Variants in FBXL22 observed in about 807,000 individuals in gnomAD.
The protein encoded by FBXL22 is F-box and leucine-rich protein 22.
Under a neutral mutation model 11.7 loss-of-function variants are expected in FBXL22, and 13 were observed. That is an observed-to-expected ratio of 1.11 (90% CI 0.73 to 1.77). The LOEUF is 1.77. Among genes scored for constraint, FBXL22 ranks in the 40% most tolerant of loss-of-function variants. FBXL22 has a pLI of 0.00. For missense variants in FBXL22, 406 were observed against 320.4 expected, an observed-to-expected ratio of 1.27 and a Z score of -2.04; for synonymous variants, 160 against 144.1, an observed-to-expected ratio of 1.11 and a Z score of -0.79.
chr15:63,603,643 G>A (rs528300746), downstream of FBXL22, among the ~76,000 whole-genome samples: 257 of 152,356 alleles, frequency 1.7e-3, no homozygotes, highest in African/African-American at 5.9e-3. Context: ...GGCAGAACAT[G>A]TGGACAGGCA....
downstream of FBXL22, among the ~76,000 whole-genome samples, chr15:63,603,715 G>T (rs2067398844): frequency 6.6e-6 from 1 of 152,242 alleles, no homozygotes; most frequent in Non-Finnish European, 1.5e-5. Flanking sequence ...GGCTGGGGCA[G>T]TGCTTACTCC....
At position 63,600,746 on chromosome 15, in the gene FBXL22, G is replaced by T. The variant is rs902188660; in HGVS notation, c.403G>T (p.Asp135Tyr). 3 of 1,231,338 alleles carry T rather than the reference G, an allele frequency of 2.4e-6. No individual in the cohort carries two copies. The Admixed American group carries it at 1.3e-4, about 52-fold the overall frequency. 76.3% of individuals were successfully genotyped at this position (1,231,338 alleles called of 1,614,324 possible). ...VTLSGCGHVT[D>Y]DCLARLLRCC... ...GCTCTCGGGCTGCGGCCACGTTACC[G>T]ACGACTGCCTGGCGCGCCTGCTGCG... The change falls in exon 2 of 2, where the codon GAC becomes TAC. Residue 135 changes from aspartate to tyrosine, a missense_variant. Asp to Tyr is a radical substitution (Grantham distance 160). Transcript: ENST00000638704.
chr15:63,601,442 G>C, downstream of FBXL22: 2 of 1,577,474 alleles, frequency 1.3e-6, no homozygotes, highest in African/African-American at 1.4e-5. Context: ...ACGGGGGCCA[G>C]GGCTGCCGCG....
At chr15:63,600,057 G>A (rs544666541) in intron 1 of FBXL22, 2 of 985,738 alleles carry the variant, frequency 2.0e-6, no homozygotes, top group East Asian at 1.1e-4. Flanking sequence ...GTGGGTGTCC[G>A]TGACTGTACC....
chr15:63,604,524 C>T (rs2067404294), downstream of FBXL22, among the ~76,000 whole-genome samples: 1 of 152,158 alleles, frequency 6.6e-6, no homozygotes, highest in African/African-American at 2.4e-5. Flanking sequence ...AGTGAAGGGT[C>T]ATTTTAGGTG....
At position 63,600,792 on chromosome 15, in the gene FBXL22, C is replaced by T. The variant is rs189797805; in HGVS notation, c.449C>T (p.Ala150Val). 4.6e-4 allele frequency: 568 copies of T among 1,231,184 alleles called. 7 individuals carry two copies. In the East Asian group the frequency reaches 0.018, roughly 38 times the overall value. 76.3% of individuals were successfully genotyped at this position (1,231,184 alleles called of 1,614,324 possible). ...RLLRCCPRLR[A>V]LRLENCARVT... The stretch of plus-strand genomic sequence containing the variant: ...CTGCGCTGCTGCCCACGCCTGCGCG[C>T]ACTGCGCCTGGAGAACTGCGCGCGC... The change falls in exon 2 of 2, where the codon GCA becomes GTA. Residue 150 changes from alanine (A) to valine (V), a missense_variant. Physicochemically the swap from Ala to Val is moderately conservative, Grantham distance 64. Coordinates refer to ENST00000638704, the MANE Select transcript of FBXL22 (RefSeq NM_001367807.1).
downstream of FBXL22, among the ~76,000 whole-genome samples, chr15:63,605,540 G>A (rs947140449): frequency 9.2e-5 from 14 of 152,190 alleles, no homozygotes; most frequent in South Asian, 2.1e-4. Flanking sequence ...GGTTCCAACC[G>A]TTAAGGAGAA....
downstream of FBXL22, chr15:63,601,756 A>G (rs2067377173): frequency 6.7e-7 from 1 of 1,502,888 alleles, no homozygotes; most frequent in African/African-American, 1.4e-5. Context: ...AGTTACCCAT[A>G]TTTTCTACTG....
intron 1 of FBXL22, chr15:63,600,186 C>T: frequency 1.0e-6 from 1 of 986,186 alleles, no homozygotes. Context: ...CTAACGCGTG[C>T]CCCCACCGCC....
chr15:63,608,322 C>A, the FBXL22 span, among the ~76,000 whole-genome samples: 1 of 152,156 alleles, frequency 6.6e-6, no homozygotes, highest in African/African-American at 2.4e-5. Context: ...GAGAAGGATG[C>A]GTGGTACTGA....
At chr15:63,598,402 A>G (rs1165453684) in intron 1 of FBXL22, among the ~76,000 whole-genome samples, 1 of 152,172 alleles carries the variant, frequency 6.6e-6, no homozygotes, top group African/African-American at 2.4e-5. Context: ...AGTGAATAAT[A>G]TTTTAGTGTA....
chr15:63,597,693 T>G lies in FBXL22; in HGVS notation c.301T>G (p.Cys101Gly), dbSNP rs2067294525. ...CAAGAGTGCCTTCCAGAGAAGCATC[T>G]GCAGCCGGCACGAGAGCCTGGTCAA... The part of the protein sequence containing the change: ...WLKSAFQRSI[C>G]SRHESLVNDF... Residue 101 changes from cysteine (C) to glycine (G), a missense_variant, in exon 1 of 2, where the codon TGC becomes GGC. Coordinates refer to ENST00000638704, the MANE Select transcript of FBXL22 (RefSeq NM_001367807.1). This position sits in a 1 kb window ranked among gnomAD's most constrained non-coding sequence, Gnocchi z 4.3. 1 of 1,601,448 alleles carries G rather than the reference T, an allele frequency of 6.2e-7. No individual in the cohort carries two copies.
downstream of FBXL22, among the ~76,000 whole-genome samples, chr15:63,607,212 A>AT (rs994263886): frequency 6.6e-5 from 10 of 151,880 alleles, no homozygotes; most frequent in Non-Finnish European, 1.2e-4. Context: ...TGCCCAGCTA[A>AT]TTTTTTTTAT....
At chr15:63,601,858 AATGGAACC>A (rs2067378236), downstream of FBXL22, 1 of 927,144 alleles carries the variant, frequency 1.1e-6, no homozygotes, top group Admixed American at 3.4e-5. Flanking sequence ...AGCTTTTGAT[AATGGAACC>A]ATTATAAGCT....
downstream of FBXL22, among the ~76,000 whole-genome samples, chr15:63,605,911 C>A (rs527293402): frequency 6.6e-6 from 1 of 152,358 alleles, no homozygotes; most frequent in East Asian, 1.9e-4. Context: ...GAGACCAGGG[C>A]CACAGGCTCT....
At position 63,599,853 on chromosome 15, in the gene FBXL22, G is replaced by A. The variant is rs533844046; in HGVS notation, c.354-844G>A. On this transcript the variant is annotated intron_variant, in intron 1 of 1. Transcript: ENST00000638704. Reference sequence around the variant, plus strand: ...GGAAAGCGGGTTAGGACTGCCTGTGGAAGGCCCCGTTGCAGGCTCCTCACA... The same window carrying A: ...GGAAAGCGGGTTAGGACTGCCTGTGAAAGGCCCCGTTGCAGGCTCCTCACA... 26 of 985,614 alleles carry A rather than the reference G, an allele frequency of 2.6e-5. 1 individual carries two copies. The highest frequency in any genetic ancestry group is 3.1e-5 in the Non-Finnish European group (26 of 830,208). 61.1% of individuals were successfully genotyped at this position (985,614 alleles called of 1,614,324 possible).
downstream of FBXL22, among the ~76,000 whole-genome samples, chr15:63,607,313 G>C (rs1021798090): frequency 2.6e-5 from 4 of 152,210 alleles, no homozygotes; most frequent in African/African-American, 7.2e-5. Flanking sequence ...CCAAAGTGCT[G>C]GGATTACAGG....
At position 63,597,780 on chromosome 15, in the gene FBXL22, C is replaced by T. The variant is rs1488362147; in HGVS notation, c.353+35C>T. The stretch of plus-strand genomic sequence containing the variant: ...CTTGCCTCCTGAGCAGTGCTGGCCC[C>T]GCTAGCTCTGGCTTCCCTCTTGGGG... On this transcript the variant is annotated intron_variant, in intron 1 of 1. Transcript: ENST00000638704. The surrounding 1 kb of genome is among the most constrained non-coding windows in gnomAD (Gnocchi z 4.3). 11 of 1,520,452 alleles carry T rather than the reference C, an allele frequency of 7.2e-6. No homozygotes were observed. The highest frequency in any genetic ancestry group is 2.5e-5 in the South Asian group (2 of 80,206). The allele number at this position is 1,520,452 out of a possible 1,614,324, so 94.2% of individuals were successfully genotyped here. A position where few individuals can be genotyped will look rare whatever the true frequency, so the allele number is the denominator to read the frequency against.
intron 1 of FBXL22, chr15:63,600,147 A>G (rs2067343693): frequency 1.0e-6 from 1 of 985,702 alleles, no homozygotes; most frequent in Non-Finnish European, 1.2e-6. Context: ...GAACAGCTCT[A>G]GTCTACTAAG....
Sources: allele counts gnomAD v4.1 joint callset (sites outside exome capture counted in the v4.1 genomes callset), GRCh38; gene constraint gnomAD v4.1.1; non-coding constraint Gnocchi (gnomAD v3.1); transcripts MANE v1.5; gene names NCBI Gene and HGNC (gene_info 2026-07-23, HGNC 2026-07-21).